BPTF: variants seen among roughly 807,000 people sequenced by gnomAD.
BPTF encodes bromodomain PHD finger transcription factor, also known as nucleosome-remodeling factor subunit BPTF.
A neutral mutation model predicts 292.5 loss-of-function variants in BPTF; 18 were observed. The observed-to-expected ratio is 0.06, with a 90% confidence interval of 0.04 to 0.09. BPTF has a LOEUF of 0.09. Ranked by LOEUF, BPTF falls within the 10% of genes least tolerant of loss-of-function variation. The pLI, the probability that BPTF is intolerant of heterozygous loss-of-function variation, is 1.00. For synonymous variants in BPTF, 1,225 were observed against 1,251.9 expected (o/e 0.98, Z 0.45); for missense variants, 2,726 against 3,498.7 (o/e 0.78, Z 5.57).
At chr17:67,927,094 G>C (rs959191437) in intron 15 of BPTF, among the ~76,000 whole-genome samples, 4 of 152,156 alleles carry the variant, frequency 2.6e-5, no homozygotes, top group Non-Finnish European at 4.4e-5. Context: ...TAGGTGAGCA[G>C]GAGGCTCACC....
chr17:67,848,847 A>G (rs763431443), intron 1 of BPTF, among the ~76,000 whole-genome samples: 7 of 152,236 alleles, frequency 4.6e-5, no homozygotes, highest in Non-Finnish European at 7.3e-5. Flanking sequence ...CAGGTGGTCC[A>G]GAGTTTGCCA....
chr17:67,831,005 TG>T (rs2056618706), intron 1 of BPTF, among the ~76,000 whole-genome samples: 1 of 152,186 alleles, frequency 6.6e-6, no homozygotes, highest in South Asian at 2.1e-4. Context: ...ACTGGGGAAA[TG>T]GCCTGAAGCT....
chr17:67,839,173 C>G (rs1196773988), intron 1 of BPTF, among the ~76,000 whole-genome samples: 1 of 151,158 alleles, frequency 6.6e-6, no homozygotes, highest in Admixed American at 6.6e-5. Flanking sequence ...TGTGTACCAC[C>G]TCCAAAGCAA....
In BPTF at chr17:67,866,612, C is replaced by G. The variant is rs370996802; in HGVS notation, c.1585C>G (p.Arg529Gly). The G allele has an allele frequency of 2.2e-5, 35 of 1,613,726 alleles. No homozygotes were observed. Among genetic ancestry groups the G allele is most frequent in the Non-Finnish European group, 3.0e-5 (35 of 1,179,862 alleles). ...ILEEMREEIH[R>G]HMDITEDLTN... Reference sequence around the variant, plus strand: ...AGAAGAAATGCGTGAAGAAATCCACCGACACATGGACATAACTGAAGACCT... The same window carrying G: ...AGAAGAAATGCGTGAAGAAATCCACGGACACATGGACATAACTGAAGACCT... The change falls in exon 3 of 28, where the codon CGA (arginine) becomes GGA (glycine). Residue 529 changes from arginine to glycine, a missense_variant. Arg to Gly is a moderately radical substitution (Grantham distance 125). Coordinates refer to ENST00000306378, the MANE Select transcript of BPTF (RefSeq NM_182641.4).
chr17:67,903,873 G>A lies in BPTF; in HGVS notation c.2628G>A (p.Met876Ile). The A allele has an allele frequency of 6.3e-7, 1 of 1,592,594 alleles. No individual in the cohort carries two copies. Among genetic ancestry groups the A allele is most frequent in the Non-Finnish European group, 8.5e-7 (1 of 1,174,236 alleles). Residue 876 changes from methionine (M) to isoleucine (I), a missense_variant, in exon 8 of 28, where the codon ATG becomes ATA. Physicochemically the swap from Met to Ile is conservative, Grantham distance 10 (BLOSUM62 1). This residue lies in a region of BPTF where 99 missense variants were observed against 227.1 expected (regional missense o/e 0.44). Transcript: ENST00000306378. ...AGAAACAGGAAGAAGAAGAAACGAT[G>A]CAGCAAGCGACATGGGTAAAATACA... ...KEKKQEEEET[M>I]QQATWVKYTF... is the part of the protein sequence containing the mutation.
intron 1 of BPTF, among the ~76,000 whole-genome samples, chr17:67,842,267 A>G (rs1472791991): frequency 6.6e-6 from 1 of 152,186 alleles, no homozygotes; most frequent in Non-Finnish European, 1.5e-5. Flanking sequence ...ACATACATAT[A>G]CAATGCATGC....
intron 9 of BPTF, among the ~76,000 whole-genome samples, chr17:67,907,643 A>G (rs2062322722): frequency 6.6e-6 from 1 of 152,170 alleles, no homozygotes; most frequent in Non-Finnish European, 1.5e-5. Flanking sequence ...GGTGTGAGTC[A>G]CTGCTCCCAG....
intron 12 of BPTF, 78 bp from the exon 13 acceptor site, chr17:67,919,937 T>C (rs2147167375): frequency 1.4e-6 from 2 of 1,417,232 alleles, no homozygotes. Flanking sequence ...GTGTCTCTTT[T>C]TGAAAGCACC....
rs546982381 is a variant in BPTF at position 67,851,687 on chromosome 17, G to T, written c.614-2253G>T. On this transcript the variant is annotated intron_variant, in intron 1 of 27. Coordinates refer to ENST00000306378, the MANE Select transcript of BPTF (RefSeq NM_182641.4). ...TGGTTGTGGGCAAACAGGTGTGCAG[G>T]CTGTTCAGTTATAAGCAGAACCTTA... Among the ~76,000 whole-genome samples, 11 of 152,140 alleles carry T rather than the reference G, an allele frequency of 7.2e-5. No individual in the cohort carries two copies. In the South Asian group the frequency reaches 2.3e-3, roughly 32 times the overall value.
intron 1 of BPTF, among the ~76,000 whole-genome samples, chr17:67,838,039 C>CTAA (rs1031539253): frequency 5.5e-4 from 84 of 152,306 alleles, no homozygotes; most frequent in African/African-American, 1.8e-3. Context: ...ACTAGATGAT[C>CTAA]TAATGGTCAG....
chr17:67,873,480 GA>G (rs2059876249), intron 3 of BPTF, among the ~76,000 whole-genome samples: 1 of 149,462 alleles, frequency 6.7e-6, no homozygotes, highest in East Asian at 2.0e-4. Flanking sequence ...AAAAGAAAAA[GA>G]AAAACCGTGT....
chr17:67,900,422 T>C (rs2061752161), intron 7 of BPTF, among the ~76,000 whole-genome samples: 1 of 151,790 alleles, frequency 6.6e-6, no homozygotes, highest in African/African-American at 2.4e-5. Flanking sequence ...ACAAGAAATA[T>C]TCAAGGCCTG....
intron 2 of BPTF, among the ~76,000 whole-genome samples, chr17:67,856,545 G>A (rs569171359): frequency 1.1e-4 from 16 of 152,210 alleles, no homozygotes; most frequent in Non-Finnish European, 1.8e-4. Flanking sequence ...TGGAAGCTCT[G>A]AGCAAGTGGG....
At chr17:67,923,411 A>T (rs1162650172) in intron 14 of BPTF, among the ~76,000 whole-genome samples, 9 of 137,356 alleles carry the variant, frequency 6.6e-5, no homozygotes, top group African/African-American at 1.1e-4. Context: ...GCTTGACTTT[A>T]CTCCACCTTT....
chr17:67,893,929 C>T (rs1054882036), intron 6 of BPTF, 105 bp from the exon 7 acceptor site: 9 of 1,400,122 alleles, frequency 6.4e-6, no homozygotes, highest in East Asian at 2.3e-5. Flanking sequence ...TAGGAGTCAT[C>T]GTCTTTATAC....
intron 12 of BPTF, among the ~76,000 whole-genome samples, chr17:67,919,043 G>A (rs924250461): frequency 9.2e-5 from 14 of 151,488 alleles, no homozygotes; most frequent in South Asian, 6.3e-4. Flanking sequence ...GTGGTGGTGG[G>A]CTCCTGTAGT....
chr17:67,955,394 T>C lies in BPTF; in HGVS notation c.7927-4147T>C, dbSNP rs533220863. On this transcript the variant is annotated intron_variant, in intron 23 of 27. Transcript: ENST00000306378. ...TGCAAAAAAGGGGCACAGCAAACTC[T>C]ATTTCAGGTACAAATGGACCTTATC... The C allele has an allele frequency of 2.0e-5, 3 of 152,148 alleles. No homozygotes were observed. In the South Asian group the frequency reaches 6.2e-4, roughly 32 times the overall value. The allele number at this position is 152,148 out of a possible 1,614,324, so 9.4% of individuals were successfully genotyped here. A position where few individuals can be genotyped will look rare whatever the true frequency, so the allele number is the denominator to read the frequency against.
chr17:67,923,115 G>T (rs1282238728), intron 14 of BPTF, 125 bp downstream of exon 14: 19 of 1,137,684 alleles, frequency 1.7e-5, no homozygotes, highest in Non-Finnish European at 2.2e-5. Context: ...GAGTGCAGTG[G>T]CACAATCTTG....
At chr17:67,887,393 T>C (rs2060817744) in intron 4 of BPTF, among the ~76,000 whole-genome samples, 1 of 152,196 alleles carries the variant, frequency 6.6e-6, no homozygotes, top group Non-Finnish European at 1.5e-5. Context: ...TACTTTTAGC[T>C]CTTCGTTGTC....
Sources: gnomAD v4.1 joint callset for allele counts (sites outside exome capture counted in the v4.1 genomes callset) on GRCh38, gnomAD v4.1.1 for gene constraint, gnomAD v4.1.1 regional missense constraint, MANE v1.5 for transcripts, NCBI Gene and HGNC (gene_info 2026-07-23, HGNC 2026-07-21) for gene names.